The following ZNF234 variants were observed in gnomAD, a reference collection of about 807,000 sequenced individuals.
The protein encoded by ZNF234 is C2-H2 type zinc finger protein.
ZNF234 carries 4 observed loss-of-function variants against 10.3 expected under a neutral mutation model. The ratio of observed to expected loss-of-function variants is 0.39; its 90% CI spans 0.19 to 0.89. The LOEUF is 0.89. Ranked by LOEUF, ZNF234 falls within the 40% of genes least tolerant of loss-of-function variation. The pLI is 0.38. For synonymous variants in ZNF234, 258 were observed against 280.1 expected (o/e 0.92, Z 0.79); for missense variants, 711 against 836.1 (o/e 0.85, Z 1.85).
In ZNF234 at chr19:44,157,553, A is replaced by C. The variant is rs768353521; in HGVS notation, c.1537A>C (p.Asn513His). The C allele has an allele frequency of 5.6e-6, 9 of 1,614,038 alleles. No homozygotes were observed. In the Admixed American group the frequency reaches 1.5e-4, roughly 27 times the overall value. ...GATCCACACAGGGGAGAAACCATAT[A>C]ATTGTGAGGAGTGTGGGAAGGTCTT... ...CRIHTGEKPY[N>H]CEECGKVFSQ... Residue 513 changes from asparagine to histidine, a missense_variant, in exon 6 of 6, where the codon AAT becomes CAT. Asn to His is a moderately conservative substitution (Grantham distance 68). Transcript: ENST00000426739.
Position 44,156,504 on chromosome 19 carries a change from T to C in ZNF234, c.488T>C (p.Phe163Ser). ...YKKSFTDVFNFDLHQQLHSGE... is the reference protein window; with the variant it reads ...YKKSFTDVFNSDLHQQLHSGE... Reference sequence around the variant, plus strand: ...AAATCCTTCACTGATGTCTTCAACTTTGATCTTCATCAACAGTTACACTCA... The same window carrying C: ...AAATCCTTCACTGATGTCTTCAACTCTGATCTTCATCAACAGTTACACTCA... Residue 163 changes from phenylalanine (F) to serine (S), a missense_variant, in exon 6 of 6, where the codon TTT becomes TCT. By Grantham distance (155) the Phe-to-Ser change is radical. Coordinates refer to ENST00000426739, the MANE Select transcript of ZNF234 (RefSeq NM_006630.3). 1 of 1,614,248 alleles carries C rather than the reference T, an allele frequency of 6.2e-7. No individual in the cohort carries two copies. Among genetic ancestry groups the C allele is most frequent in the Non-Finnish European group, 8.5e-7 (1 of 1,180,034 alleles).
At chr19:44,152,739 G>C (rs939399105) in intron 5 of ZNF234, among the ~76,000 whole-genome samples, 1 of 152,124 alleles carries the variant, frequency 6.6e-6, no homozygotes, top group Non-Finnish European at 1.5e-5. Flanking sequence ...ATAGTAACTA[G>C]GTTGCAAACT....
At position 44,156,366 on chromosome 19, in the gene ZNF234, C is replaced by G. The variant is rs2122149828; in HGVS notation, c.350C>G (p.Ser117Cys). 4 of 1,613,502 alleles carry G rather than the reference C, an allele frequency of 2.5e-6. No individual in the cohort carries two copies. Among genetic ancestry groups the G allele is most frequent in the East Asian group, 4.5e-5 (2 of 44,872 alleles). ...IASDLIKYED[S>C]MISISRFPRQ... is the part of the protein sequence containing the mutation. Reference sequence around the variant, plus strand: ...AGTGATTTAATCAAGTATGAAGACTCTATGATAAGTATTTCTCGGTTCCCC... The same window carrying G: ...AGTGATTTAATCAAGTATGAAGACTGTATGATAAGTATTTCTCGGTTCCCC... Residue 117 changes from serine (S) to cysteine (C), a missense_variant, in exon 6 of 6, where the codon TCT becomes TGT. Transcript: ENST00000426739.
At chr19:44,145,419 C>T (rs757242486) in intron 3 of ZNF234, among the ~76,000 whole-genome samples, 15 of 152,146 alleles carry the variant, frequency 9.9e-5, no homozygotes, top group Non-Finnish European at 2.1e-4. Flanking sequence ...CCTACATAAC[C>T]GTTTCCTCAA....
chr19:44,150,642 A>C (rs980271711), intron 5 of ZNF234, 137 bp downstream of exon 5: 1 of 620,400 alleles, frequency 1.6e-6, no homozygotes, highest in Non-Finnish European at 2.8e-6. Flanking sequence ...TACTGGGCGC[A>C]CTGCATCCAC....
Position 44,157,833 on chromosome 19 carries a change from G to C in ZNF234, c.1817G>C (p.Ser606Thr). 6.2e-7 allele frequency: 1 copy of C among 1,614,112 alleles called. No individual in the cohort carries two copies. Among genetic ancestry groups the C allele is most frequent in the African/African-American group, 1.3e-5 (1 of 75,014 alleles). Reference protein sequence around the residue: ...YTCGECGKHFSQASSLQLHQS... With the variant: ...YTCGECGKHFTQASSLQLHQS... ...TGTGGGGAGTGTGGGAAGCACTTCA[G>C]TCAGGCCTCAAGTCTCCAACTTCAT... The change falls in exon 6 of 6, where the codon AGT becomes ACT. Residue 606 changes from serine to threonine, a missense_variant. Transcript: ENST00000426739.
In ZNF234 at chr19:44,157,001, T is replaced by C. The variant is rs376859571; in HGVS notation, c.985T>C (p.Ser329Pro). Residue 329 changes from serine (S) to proline (P), a missense_variant, in exon 6 of 6, where the codon TCA (serine) becomes CCA (proline). Transcript: ENST00000426739. Reference sequence around the variant, plus strand: ...CTGTGGTAAGTGTTTCACTTGTAGCTCAAACCTTCGTATCCATCAAAGGGT... The same window carrying C: ...CTGTGGTAAGTGTTTCACTTGTAGCCCAAACCTTCGTATCCATCAAAGGGT... Reference protein sequence around the residue: ...EDCGKCFTCSSNLRIHQRVHT... With the variant: ...EDCGKCFTCSPNLRIHQRVHT... 15 of 1,613,874 alleles carry C rather than the reference T, an allele frequency of 9.3e-6. No individual in the cohort carries two copies. The highest frequency in any genetic ancestry group is 1.3e-5 in the Non-Finnish European group (15 of 1,179,970).
chr19:44,154,634 T>C (rs1424384962), intron 5 of ZNF234, among the ~76,000 whole-genome samples: 13 of 143,154 alleles, frequency 9.1e-5, no homozygotes, highest in Non-Finnish European at 1.8e-4. Context: ...TTTTCTTTTT[T>C]TTTTTTTTTT....
In ZNF234 at chr19:44,141,642, C is replaced by G. The variant is rs943238138; in HGVS notation, c.-222C>G. 4.6e-5 allele frequency: 7 copies of G among 152,306 alleles called. No individual in the cohort carries two copies. Among genetic ancestry groups the G allele is most frequent in the Admixed American group, 2.0e-4 (3 of 15,290 alleles). The allele number at this position is 152,306 out of a possible 1,614,324, so 9.4% of individuals were successfully genotyped here. The stretch of plus-strand genomic sequence containing the variant: ...TAGTTTCTTCCAGTTCCGCGACTCG[C>G]GGGCCCCTCCTAATGTCAGGGACTT... On this transcript the variant is annotated 5_prime_UTR_variant, in exon 1 of 6. Coordinates refer to ENST00000426739, the MANE Select transcript of ZNF234 (RefSeq NM_006630.3). This position sits in a 1 kb window ranked among gnomAD's most constrained non-coding sequence, Gnocchi z 4.6.
chr19:44,150,229 A>G (rs1453535902), intron 4 of ZNF234, among the ~76,000 whole-genome samples, 184 bp from the exon 5 acceptor site: 1 of 152,176 alleles, frequency 6.6e-6, no homozygotes, highest in Non-Finnish European at 1.5e-5. Flanking sequence ...TTTTTATAGC[A>G]CATATTTATG....
Position 44,156,478 on chromosome 19 carries a change from A to G in ZNF234, c.462A>G (p.Lys154=), listed in dbSNP as rs1968885882. The change falls in exon 6 of 6, where the codon AAA becomes AAG. Residue 154 remains lysine (K), a synonymous_variant. Transcript: ENST00000426739. ...AATTTTACCAATGTGATGAGTACAA[A>G]AAATCCTTCACTGATGTCTTCAACT... ...GQKFYQCDEY[K]KSFTDVFNFD... is the part of the protein sequence containing the mutation. The G allele has an allele frequency of 6.2e-7, 1 of 1,614,026 alleles. No homozygotes were observed. The highest frequency in any genetic ancestry group is 8.5e-7 in the Non-Finnish European group (1 of 1,179,984).
At chr19:44,146,804 CTCTTT>C (rs1968606328) in intron 3 of ZNF234, among the ~76,000 whole-genome samples, 1 of 110,004 alleles carries the variant, frequency 9.1e-6, no homozygotes, top group Non-Finnish European at 1.6e-5. Context: ...CTCTCTCTCT[CTCTTT>C]TTTTTTTTTT....
rs1599703291 is a variant in ZNF234 at position 44,156,893 on chromosome 19, T to C, written c.877T>C (p.Cys293Arg). 6.2e-7 allele frequency: 1 copy of C among 1,613,914 alleles called. No individual in the cohort carries two copies. The highest frequency in any genetic ancestry group is 1.1e-5 in the South Asian group (1 of 91,058). Residue 293 changes from cysteine (C) to arginine (R), a missense_variant, in exon 6 of 6, where the codon TGT becomes CGT. Coordinates refer to ENST00000426739, the MANE Select transcript of ZNF234 (RefSeq NM_006630.3). ...GGAGAAACCATTCAAATGTGATACA[T>C]GTGGTAAGAACTTCCGTCGTAGATC... The part of the protein sequence containing the change: ...TGEKPFKCDT[C>R]GKNFRRRSAL...
Position 44,157,285 on chromosome 19 carries a change from AG to A in ZNF234, c.1273del (p.Glu425LysfsTer23). 6.2e-7 allele frequency: 1 copy of A among 1,614,004 alleles called. No individual in the cohort carries two copies. ...ATCAAGTGCATCTGGTAGTCCACAC[AG>A]GGGAAAAACCCTATAAATGTGAAGT... ...HYQVHLVVHTGEKPYKCEVCG... is the reference protein window; with the variant it reads ...HYQVHLVVHTXEKPYKCEVCG... On this transcript the variant is annotated frameshift_variant, in exon 6 of 6. Transcript: ENST00000426739. LOFTEE classifies it low-confidence loss of function (END_TRUNC).
rs1968971231 is a variant in ZNF234, at chr19:44,158,702, C to T, written c.*583C>T. 1 of 154,752 alleles carries T rather than the reference C, an allele frequency of 6.5e-6. No homozygotes were observed. Among genetic ancestry groups the T allele is most frequent in the Admixed American group, 6.3e-5 (1 of 15,764 alleles). 9.6% of individuals were successfully genotyped at this position (154,752 alleles called of 1,614,324 possible). A position where few individuals can be genotyped will look rare whatever the true frequency, so the allele number is the denominator to read the frequency against. On this transcript the variant is annotated 3_prime_UTR_variant, in exon 6 of 6. Coordinates refer to ENST00000426739, the MANE Select transcript of ZNF234 (RefSeq NM_006630.3). ...ACCCTTGTTAAGTGGTACAGTAAAGCATTCTGTCAAAACTTTGACATTTAT... is the reference window on the plus strand; with the variant it reads ...ACCCTTGTTAAGTGGTACAGTAAAGTATTCTGTCAAAACTTTGACATTTAT...
In ZNF234 at chr19:44,148,782, C is replaced by A. The variant is rs774602605; in HGVS notation, c.27C>A (p.Thr9=). The change falls in exon 4 of 6, where the codon ACC becomes ACA. Residue 9 remains threonine (T), a synonymous_variant. Transcript: ENST00000426739. MTTFKEGL[T]FKDVAVVFTE... ...GTTTGATGTTATAGGAGGGACTGAC[C>A]TTCAAGGATGTGGCTGTGGTCTTCA... The A allele has an allele frequency of 6.2e-7, 1 of 1,613,850 alleles. No individual in the cohort carries two copies. The highest frequency in any genetic ancestry group is 1.1e-5 in the South Asian group (1 of 91,088).
In ZNF234 at chr19:44,157,200, C is replaced by T. The variant is rs777846508; in HGVS notation, c.1184C>T (p.Thr395Ile). ...TTTCAGGCCCATCAGGGAGTCCACA[C>T]TGGAGAGAAGCCATACAAATGCAAT... ...SSFQAHQGVH[T>I]GEKPYKCNEC... The change falls in exon 6 of 6, where the codon ACT becomes ATT. Residue 395 changes from threonine to isoleucine, a missense_variant. Thr to Ile is a moderately conservative substitution (Grantham distance 89). Transcript: ENST00000426739. 1 of 1,614,196 alleles carries T rather than the reference C, an allele frequency of 6.2e-7. No individual in the cohort carries two copies. Among genetic ancestry groups the T allele is most frequent in the Non-Finnish European group, 8.5e-7 (1 of 1,180,046 alleles).
Position 44,157,274 on chromosome 19 carries a change from G to A in ZNF234, c.1258G>A (p.Val420Ile), listed in dbSNP as rs201556875. The A allele has an allele frequency of 1.0e-3, 1,610 of 1,613,860 alleles. 2 individuals carry two copies. The highest frequency in any genetic ancestry group is 9.5e-4 in the Non-Finnish European group (1,120 of 1,179,934). The change falls in exon 6 of 6, where the codon GTA becomes ATA. Residue 420 changes from valine (V) to isoleucine (I), a missense_variant. Transcript: ENST00000426739. ...RMKIHYQVHL[V>I]VHTGEKPYKC... ...GAAAATTCATTATCAAGTGCATCTG[G>A]TAGTCCACACAGGGGAAAAACCCTA...
At chr19:44,148,658 T>G (rs1391344275) in intron 3 of ZNF234, 113 bp from the exon 4 acceptor site, 3 of 1,434,534 alleles carry the variant, frequency 2.1e-6, no homozygotes, top group East Asian at 4.7e-5. Context: ...ATCTACACAT[T>G]AAGTCTCTGA....
Sources: gnomAD v4.1 joint callset for allele counts (sites outside exome capture counted in the v4.1 genomes callset) on GRCh38, gnomAD v4.1.1 for gene constraint, Gnocchi (gnomAD v3.1) non-coding constraint, MANE v1.5 for transcripts, NCBI Gene and HGNC (gene_info 2026-07-23, HGNC 2026-07-21) for gene names.